The following RHOH variants were observed in gnomAD, a reference collection of about 807,000 sequenced individuals.
RHOH encodes the protein rho-related GTP-binding protein RhoH.
RHOH carries 6 observed loss-of-function variants against 13.8 expected under a neutral mutation model. That is an observed-to-expected ratio of 0.44 (90% CI 0.24 to 0.86). The LOEUF (loss-of-function observed/expected upper bound fraction) is 0.86. RHOH is among the 40% of genes least tolerant of loss of function. The pLI is 0.24. For synonymous variants in RHOH, 117 were observed against 103.0 expected (o/e 1.14, Z -0.82); for missense variants, 147 against 244.5 (o/e 0.60, Z 2.66).
rs36119984 is a variant in RHOH, at chr4:40,223,466, C to CTT, written c.-330-19226_-330-19225dup. On this transcript the variant is annotated intron_variant, in intron 1 of 2. Transcript: ENST00000381799. ...TGCTGAAGGCTCAGATGATTGTTAG[C>CTT]TTTTTTTTTTTTTTTTTTTTTTTAG... 8.4e-4 allele frequency among the ~76,000 whole-genome samples: 79 copies of CTT among 94,450 alleles called. 1 individual carries two copies. The highest frequency in any genetic ancestry group is 1.5e-3 in the African/African-American group (37 of 25,402). 62.0% of individuals were successfully genotyped at this position (94,450 alleles called of 152,430 possible). A position where few individuals can be genotyped will look rare whatever the true frequency, so the allele number is the denominator to read the frequency against.
At chr4:40,221,363 T>C (rs925432392) in intron 1 of RHOH, among the ~76,000 whole-genome samples, 4 of 152,200 alleles carry the variant, frequency 2.6e-5, no homozygotes, top group Non-Finnish European at 5.9e-5. Context: ...TCCACAGATA[T>C]TGCATTTTAC....
chr4:40,228,706 G>A (rs946636242), intron 1 of RHOH, among the ~76,000 whole-genome samples: 10 of 152,214 alleles, frequency 6.6e-5, no homozygotes, highest in African/African-American at 2.2e-4. Context: ...CTACGTTTAC[G>A]TCTAAGGGGA....
intron 1 of RHOH, among the ~76,000 whole-genome samples, chr4:40,200,898 G>T (rs552450873): frequency 6.6e-5 from 10 of 152,334 alleles, no homozygotes; most frequent in African/African-American, 2.2e-4. Flanking sequence ...CTAATGAATT[G>T]CTTTTGGAAG....
chr4:40,239,309 G>A (rs1001824596), intron 1 of RHOH, among the ~76,000 whole-genome samples: 3 of 152,166 alleles, frequency 2.0e-5, no homozygotes, highest in African/African-American at 7.2e-5. Flanking sequence ...TGATTGAACA[G>A]AGACTTTTTC....
At chr4:40,211,815 A>G (rs1313015533) in intron 1 of RHOH, among the ~76,000 whole-genome samples, 5 of 150,988 alleles carry the variant, frequency 3.3e-5, no homozygotes, top group Non-Finnish European at 7.4e-5. Flanking sequence ...GTTTTGTTTT[A>G]CTTTTTAGCT....
intron 1 of RHOH, among the ~76,000 whole-genome samples, chr4:40,212,166 C>T (rs774944314): frequency 9.9e-5 from 15 of 152,112 alleles, no homozygotes; most frequent in Non-Finnish European, 1.2e-4. Context: ...GCAAATGAAG[C>T]GAATTAACTG....
intron 1 of RHOH, among the ~76,000 whole-genome samples, chr4:40,226,066 C>G (rs1190364616): frequency 6.6e-6 from 1 of 152,112 alleles, no homozygotes; most frequent in Non-Finnish European, 1.5e-5. Context: ...TTATTGTTAT[C>G]CTTATCTGCT....
chr4:40,216,584 G>A (rs1357350706), intron 1 of RHOH, among the ~76,000 whole-genome samples: 1 of 152,210 alleles, frequency 6.6e-6, no homozygotes, highest in Non-Finnish European at 1.5e-5. Flanking sequence ...TTGAGGATTG[G>A]ATTGGATATA....
chr4:40,221,639 G>A (rs1378526257), intron 1 of RHOH, among the ~76,000 whole-genome samples: 2 of 152,026 alleles, frequency 1.3e-5, no homozygotes, highest in African/African-American at 2.4e-5. Context: ...TGACTGCTCC[G>A]GCTGTTCCCC....
At chr4:40,200,646 CT>C (rs1723846667) in intron 1 of RHOH, 1 of 152,142 alleles carries the variant, frequency 6.6e-6, no homozygotes, top group Non-Finnish European at 1.5e-5. Flanking sequence ...AAGTATTTTC[CT>C]TTGTTTTGAG....
chr4:40,203,223 C>T (rs1440393776), intron 1 of RHOH, among the ~76,000 whole-genome samples: 4 of 152,196 alleles, frequency 2.6e-5, no homozygotes, highest in African/African-American at 7.2e-5. Flanking sequence ...CCGCCCGCCT[C>T]GGCCTCCCAA....
At chr4:40,225,453 T>TA (rs1250460397) in intron 1 of RHOH, among the ~76,000 whole-genome samples, 1 of 152,024 alleles carries the variant, frequency 6.6e-6, no homozygotes, top group Non-Finnish European at 1.5e-5. Flanking sequence ...AAAGAAGGAA[T>TA]AAAAAATAAA....
At chr4:40,212,118 T>C (rs979534684) in intron 1 of RHOH, among the ~76,000 whole-genome samples, 3 of 152,204 alleles carry the variant, frequency 2.0e-5, no homozygotes, top group African/African-American at 7.2e-5. Flanking sequence ...CTTTATAAAT[T>C]ATGAATACAG....
rs994916302 is a variant in RHOH at position 40,206,352 on chromosome 4, T to C, written c.-331+9052T>C. On this transcript the variant is annotated intron_variant, in intron 1 of 2. Transcript: ENST00000381799. ...TCTCAGTTGCCACAAAAAATTCTTC[T>C]GGTCTTTGTTCCAGTTTTGAGCTGA... is the stretch of plus-strand genomic sequence containing the variant. 2.6e-5 allele frequency among the ~76,000 whole-genome samples: 4 copies of C among 152,358 alleles called. No individual in the cohort carries two copies. In the East Asian group the frequency reaches 5.8e-4, roughly 22 times the overall value.
chr4:40,232,352 C>T (rs1039218840), intron 1 of RHOH, among the ~76,000 whole-genome samples: 4 of 151,884 alleles, frequency 2.6e-5, no homozygotes, highest in Admixed American at 6.6e-5. Flanking sequence ...AGCCTCCCAA[C>T]TAGCTGGGAC....
intron 1 of RHOH, among the ~76,000 whole-genome samples, chr4:40,215,389 C>T (rs1433375455): frequency 2.6e-5 from 4 of 152,294 alleles, no homozygotes; most frequent in East Asian, 1.9e-4. Flanking sequence ...CCCAAGGCCT[C>T]GGATAAAAAT....
upstream of RHOH, among the ~76,000 whole-genome samples, chr4:40,195,399 TTCCTTCCTTCCTTCCTTCCC>T (rs1423137796): frequency 2.1e-5 from 3 of 142,736 alleles, no homozygotes; most frequent in Non-Finnish European, 4.6e-5. Context: ...CCTTCCTTCC[TTCCTTCCTTCCTTCCTTCCC>T]TCCCCTTCTC....
chr4:40,216,485 C>T (rs995100464), intron 1 of RHOH, among the ~76,000 whole-genome samples: 1 of 151,774 alleles, frequency 6.6e-6, no homozygotes, highest in Non-Finnish European at 1.5e-5. Flanking sequence ...AAAAAAGAAA[C>T]AAAAAATAAA....
At chr4:40,193,097 C>T (rs1355326631), upstream of RHOH, 18 of 152,498 alleles carry the variant, frequency 1.2e-4, no homozygotes, top group Admixed American at 1.2e-3. Flanking sequence ...CCTGGGACCT[C>T]TGAAGTGAAC....
Sources: allele counts gnomAD v4.1 joint callset (sites outside exome capture counted in the v4.1 genomes callset), GRCh38; gene constraint gnomAD v4.1.1; transcripts MANE v1.5; gene names NCBI Gene and HGNC (gene_info 2026-07-23, HGNC 2026-07-21).